Variants in VGLL1 observed in about 807,000 individuals in gnomAD.
The protein encoded by VGLL1 is transcription cofactor vestigial-like protein 1.
VGLL1 carries 4 observed loss-of-function variants against 12.0 expected under a neutral mutation model. That is an observed-to-expected ratio of 0.33 (90% CI 0.16 to 0.76). The LOEUF is 0.76. VGLL1 is among the 30% of genes least tolerant of loss of function. VGLL1 has a pLI of 0.60. For missense variants in VGLL1, 204 were observed against 208.7 expected (o/e 0.98, Z 0.14); for synonymous variants, 87 against 81.2 (o/e 1.07, Z -0.39).
At chrX:136,550,531 G>T in intron 3 of VGLL1, 1 of 331,046 alleles carries the variant, frequency 3.0e-6, no homozygotes, top group South Asian at 7.3e-5. Flanking sequence ...ATTGGTGACT[G>T]GAAGTCCAGG....
intron 2 of VGLL1, 146 bp from the exon 3 acceptor site, chrX:136,548,443 C>T (rs959278205): frequency 3.2e-6 from 2 of 625,758 alleles, no homozygotes; most frequent in African/African-American, 4.6e-5. Flanking sequence ...ATGGCTGTTT[C>T]TGGATATTAT....
At position 136,547,482 on chromosome X, in the gene VGLL1, A is replaced by C. The variant is rs146907184; in HGVS notation, c.215-1107A>C. ...GACCCTCAGAATTCTGCTTTTGCAA[A>C]ATGGGGTCCAAGCAACTACTTCCCT... On this transcript the variant is annotated intron_variant, in intron 2 of 4. Transcript: ENST00000370634. Among the ~76,000 whole-genome samples the C allele has an allele frequency of 2.7e-4, 30 of 111,918 alleles. No individual in the cohort carries two copies. In the East Asian group the frequency reaches 7.6e-3, roughly 28 times the overall value.
At chrX:136,553,342 CT>C (rs2075892148) in intron 4 of VGLL1, among the ~76,000 whole-genome samples, 1 of 82,462 alleles carries the variant, frequency 1.2e-5, no homozygotes, top group Non-Finnish European at 2.3e-5. Context: ...TGAAGTTTTG[CT>C]CTTGTTGCCC....
intron 3 of VGLL1, 41 bp downstream of exon 3, chrX:136,549,049 T>C (rs1466170479): frequency 1.7e-6 from 2 of 1,156,187 alleles, no homozygotes; most frequent in South Asian, 2.0e-5. Flanking sequence ...GTGCCTCTGA[T>C]TGGTTGTGGT....
chrX:136,548,048 T>A (rs1025718694), intron 2 of VGLL1, among the ~76,000 whole-genome samples: 44 of 111,221 alleles, frequency 4.0e-4, no homozygotes, highest in African/African-American at 1.3e-3. Flanking sequence ...TTGCCCAGGC[T>A]GGAGTGAAGT....
intron 2 of VGLL1, among the ~76,000 whole-genome samples, chrX:136,540,873 C>T (rs1207325476): frequency 8.9e-6 from 1 of 112,024 alleles, no homozygotes; most frequent in Admixed American, 9.4e-5. Context: ...CCAGCTCCAT[C>T]ACTTACTAAC....
At chrX:136,538,410 C>G (rs964105660) in intron 2 of VGLL1, among the ~76,000 whole-genome samples, 1 of 112,579 alleles carries the variant, frequency 8.9e-6, no homozygotes, top group African/African-American at 3.2e-5. Flanking sequence ...GCCCCTAAAA[C>G]TATTAATGGG....
intron 4 of VGLL1, among the ~76,000 whole-genome samples, chrX:136,553,461 C>T (rs2075892698): frequency 9.1e-6 from 1 of 109,551 alleles, no homozygotes; most frequent in Non-Finnish European, 1.9e-5. Context: ...CAGGCACCCG[C>T]CACAATGCCT....
intron 2 of VGLL1, among the ~76,000 whole-genome samples, chrX:136,545,800 G>A (rs1165779524): frequency 9.0e-6 from 1 of 110,955 alleles, no homozygotes; most frequent in African/African-American, 3.3e-5. Flanking sequence ...GCTCCCAAAA[G>A]TGTATATGGG....
At chrX:136,539,436 T>C (rs1402891798) in intron 2 of VGLL1, among the ~76,000 whole-genome samples, 1 of 111,724 alleles carries the variant, frequency 9.0e-6, no homozygotes, top group East Asian at 2.8e-4. Context: ...ACTTTCCAAA[T>C]CCAATGGTCC....
intron 2 of VGLL1, among the ~76,000 whole-genome samples, chrX:136,544,355 G>C (rs763458364): frequency 8.9e-6 from 1 of 112,418 alleles, no homozygotes; most frequent in East Asian, 2.8e-4. Context: ...TTGGGTCAAA[G>C]AGTACACACA....
chrX:136,548,313 TA>T (rs1196772381), intron 2 of VGLL1, among the ~76,000 whole-genome samples: 2 of 111,831 alleles, frequency 1.8e-5, no homozygotes, highest in Non-Finnish European at 3.8e-5. Context: ...TTCATTTCTA[TA>T]GGAGGCTTTT....
At chrX:136,549,794 C>G (rs1424918310) in intron 3 of VGLL1, among the ~76,000 whole-genome samples, 3 of 111,663 alleles carry the variant, frequency 2.7e-5, no homozygotes, top group African/African-American at 9.8e-5. Context: ...ACCAAAAAAT[C>G]AACCTACTCT....
intron 2 of VGLL1, among the ~76,000 whole-genome samples, chrX:136,548,137 A>G (rs1289875339): frequency 9.0e-6 from 1 of 111,643 alleles, no homozygotes; most frequent in Non-Finnish European, 1.9e-5. Context: ...AGTAGCTGGG[A>G]CTACAGGTGT....
At chrX:136,553,577 G>T in intron 4 of VGLL1, among the ~76,000 whole-genome samples, 1 of 112,152 alleles carries the variant, frequency 8.9e-6, no homozygotes, top group East Asian at 2.8e-4. Flanking sequence ...CTCCCAAAGT[G>T]CTGGGATTAC....
chrX:136,544,231 G>T (rs1278245282), intron 2 of VGLL1, among the ~76,000 whole-genome samples: 1 of 112,093 alleles, frequency 8.9e-6, no homozygotes, highest in African/African-American at 3.2e-5. Flanking sequence ...TGGATATTTA[G>T]GTTGTTGCTA....
In VGLL1 at chrX:136,548,800, A is replaced by C. The variant is rs1380595720; in HGVS notation, c.426A>C (p.Leu142Phe). 4 of 1,210,562 alleles carry C rather than the reference A, an allele frequency of 3.3e-6. No individual in the cohort carries two copies. The highest frequency in any genetic ancestry group is 1.7e-5 in the African/African-American group (1 of 57,268). The stretch of plus-strand genomic sequence containing the variant: ...CCTCCCTGGCGGGCACCAGCTCCTT[A>C]GAGCCTGGCTACTCTCATCCCTTCC... ...HFSSLAGTSS[L>F]EPGYSHPFPA... Residue 142 changes from leucine (L) to phenylalanine (F), a missense_variant, in exon 3 of 5, where the codon TTA becomes TTC. Leu to Phe is a conservative substitution (Grantham distance 22). Coordinates refer to ENST00000370634, the MANE Select transcript of VGLL1 (RefSeq NM_016267.4).
At chrX:136,553,117 TC>T (rs1469291409) in intron 4 of VGLL1, among the ~76,000 whole-genome samples, 1 of 109,098 alleles carries the variant, frequency 9.2e-6, no homozygotes, top group African/African-American at 3.3e-5. Context: ...AGAAGGGACT[TC>T]CTAGGGCTCC....
In VGLL1 at chrX:136,548,990, C is replaced by T. The variant is rs368080421; in HGVS notation, c.616C>T (p.Pro206Ser). The T allele has an allele frequency of 3.3e-6, 4 of 1,208,506 alleles. No homozygotes were observed. Among genetic ancestry groups the T allele is most frequent in the Non-Finnish European group, 4.5e-6 (4 of 893,548 alleles). ...AAGCACAGGGTTGCTCTTCAACCTG[C>T]CTCCCGGCTCAGTTCACTGTAAGGA... ...AGSTGLLFNL[P>S]PGSVHYKKLY... is the part of the protein sequence containing the mutation. Residue 206 changes from proline to serine, a missense_variant, in exon 3 of 5, where the codon CCT (proline) becomes TCT (serine). Transcript: ENST00000370634.
Sources: allele counts gnomAD v4.1 joint callset (sites outside exome capture counted in the v4.1 genomes callset), GRCh38; gene constraint gnomAD v4.1.1; transcripts MANE v1.5; gene names NCBI Gene and HGNC (gene_info 2026-07-23, HGNC 2026-07-21).